RSRP1: variants seen among roughly 807,000 people sequenced by gnomAD.
RSRP1 encodes arginine and serine rich protein 1, also known as arginine/serine-rich protein 1.
A neutral mutation model predicts 33.0 loss-of-function variants in RSRP1; 37 were observed. That is an observed-to-expected ratio of 1.12 (90% CI 0.86 to 1.48). The LOEUF (loss-of-function observed/expected upper bound fraction) is 1.48, where lower values mean the gene tolerates loss of function less well. RSRP1 is among the 40% of genes most tolerant of loss of function. The pLI, the probability that RSRP1 is intolerant of heterozygous loss-of-function variation, is 0.00. For missense variants in RSRP1, 402 were observed against 385.3 expected (o/e 1.04, Z -0.36); for synonymous variants, 167 against 158.7 (o/e 1.05, Z -0.40).
At position 25,246,609 on chromosome 1, in the gene RSRP1, A is replaced by G; in HGVS notation, c.355T>C (p.Ser119Pro). Residue 119 changes from serine (S) to proline (P), a missense_variant, in exon 2 of 5, where the codon TCG becomes CCG. Ser to Pro is a moderately conservative substitution (Grantham distance 74, BLOSUM62 -1). Transcript: ENST00000243189. ...SRYRSRSRSR[S>P]RSRGRSYCGR... ...CAGTACGACCTTCCCCGAGAGCGCG[A>G]CCTGCTACGGGACCGGGACCGGTAC... The G allele has an allele frequency of 6.2e-7, 1 of 1,614,050 alleles. No individual in the cohort carries two copies. The highest frequency in any genetic ancestry group is 8.5e-7 in the Non-Finnish European group (1 of 1,180,034).
intron 3 of RSRP1, chr1:25,244,857 T>A (rs1466478669): frequency 2.8e-6 from 3 of 1,079,138 alleles, no homozygotes; most frequent in Non-Finnish European, 3.6e-6. Context: ...CTAATTTTTG[T>A]ATTTTTTGTA....
Position 25,278,925 on chromosome 1 carries a change from T to C in RSRP1, c.-66-31896A>G, listed in dbSNP as rs1641242222. Among the ~76,000 whole-genome samples, 2 of 128,870 alleles carry C rather than the reference T, an allele frequency of 1.6e-5. 1 individual carries two copies. The highest frequency in any genetic ancestry group is 3.7e-5 in the Non-Finnish European group (2 of 54,760). 84.5% of individuals were successfully genotyped at this position (128,870 alleles called of 152,430 possible). ...GGCCTCCTGAGGCTGCAGTGGTCTTTCCAGGCAGCAGTGGGAGCACAGGGT... is the reference window on the plus strand; with the variant it reads ...GGCCTCCTGAGGCTGCAGTGGTCTTCCCAGGCAGCAGTGGGAGCACAGGGT... On this transcript the variant is annotated intron_variant, in intron 1 of 1. Coordinates refer to the RSRP1 transcript ENST00000561867.
At position 25,320,065 on chromosome 1, in the gene RSRP1, A is replaced by G. The variant is rs944573435; in HGVS notation, c.-67+17913T>C. 8.4e-5 allele frequency among the ~76,000 whole-genome samples: 11 copies of G among 130,596 alleles called. 3 individuals carry two copies. The highest frequency in any genetic ancestry group is 1.5e-4 in the Non-Finnish European group (8 of 55,142). The allele number at this position is 130,596 out of a possible 152,430, so 85.7% of individuals were successfully genotyped here. A position where few individuals can be genotyped will look rare whatever the true frequency, so the allele number is the denominator to read the frequency against. On this transcript the variant is annotated intron_variant, in intron 1 of 1. Transcript: ENST00000561867. Reference sequence around the variant, plus strand: ...AGGCATGCACCACCACACCCGGCTAATTTTGTATTTTTAGTAGAGACAGGG... The same window carrying G: ...AGGCATGCACCACCACACCCGGCTAGTTTTGTATTTTTAGTAGAGACAGGG...
chr1:25,284,506 A>C (rs1312834510), intron 1 of RSRP1: 1 of 1,307,442 alleles, frequency 7.6e-7, no homozygotes, highest in East Asian at 2.2e-5. Context: ...GTAAGACTCT[A>C]ATTTCATACC....
intron 1 of RSRP1, among the ~76,000 whole-genome samples, chr1:25,263,283 G>C (rs528733602): frequency 1.2e-4 from 19 of 152,094 alleles, no homozygotes; most frequent in African/African-American, 4.3e-4. Context: ...TGAAGATCTC[G>C]TAGGACTTTA....
intron 3 of RSRP1, chr1:25,244,716 G>A (rs1043036186): frequency 5.1e-6 from 6 of 1,177,596 alleles, no homozygotes; most frequent in South Asian, 4.8e-5. Flanking sequence ...ACAGGGTCTC[G>A]CTCTGCTGCC....
At position 25,284,960 on chromosome 1, in the gene RSRP1, T is replaced by C. The variant is rs1641838220; in HGVS notation, c.-66-37931A>G. On this transcript the variant is annotated intron_variant, in intron 1 of 1. Transcript: ENST00000561867. ...CATCCTGTATTTTACTGGACAGCCCTACTCCGTGTATCACAAGGAATCCAG... is the reference window on the plus strand; with the variant it reads ...CATCCTGTATTTTACTGGACAGCCCCACTCCGTGTATCACAAGGAATCCAG... Among the ~76,000 whole-genome samples, 2 of 135,096 alleles carry C rather than the reference T, an allele frequency of 1.5e-5. 1 individual carries two copies. Among genetic ancestry groups the C allele is most frequent in the African/African-American group, 5.1e-5 (2 of 39,072 alleles). The allele number at this position is 135,096 out of a possible 152,430, so 88.6% of individuals were successfully genotyped here. A position where few individuals can be genotyped will look rare whatever the true frequency, so the allele number is the denominator to read the frequency against.
In RSRP1 at chr1:25,247,333, C is replaced by G. The variant is rs1639544272; in HGVS notation, c.-91G>C. The G allele has an allele frequency of 4.2e-6, 1 of 238,172 alleles. No individual in the cohort carries two copies. Among genetic ancestry groups the G allele is most frequent in the Non-Finnish European group, 8.1e-6 (1 of 123,394 alleles). 14.8% of individuals were successfully genotyped at this position (238,172 alleles called of 1,614,324 possible). On this transcript the variant is annotated 5_prime_UTR_variant, in exon 1 of 5. Coordinates refer to ENST00000243189, the MANE Select transcript of RSRP1 (RefSeq NM_020317.5). ...CCGCACGCCGTCGACGCCTCCCTCA[C>G]GACTGAGAGAAAGGCTCAACAGACG... is the stretch of plus-strand genomic sequence containing the variant.
chr1:25,329,789 A>G (rs28654325), intron 1 of RSRP1: 118,894 of 127,966 alleles, frequency 0.93, 56,797 homozygotes, highest in East Asian at 1. Flanking sequence ...GAGTAGCTGG[A>G]ATTACAAGTG....
In RSRP1 at chr1:25,299,245, G is replaced by A. The variant is rs188158035; in HGVS notation, c.-67+38733C>T. 9.2e-4 allele frequency among the ~76,000 whole-genome samples: 119 copies of A among 129,046 alleles called. 23 individuals carry two copies. The highest frequency in any genetic ancestry group is 8.2e-3 in the Middle Eastern group (2 of 244). The allele number at this position is 129,046 out of a possible 152,430, so 84.7% of individuals were successfully genotyped here. A position where few individuals can be genotyped will look rare whatever the true frequency, so the allele number is the denominator to read the frequency against. The stretch of plus-strand genomic sequence containing the variant: ...AAAAATACAAAAATTAGCCGGGCAC[G>A]GTGGTGGGTGCCTGTAATCCCAGCT... On this transcript the variant is annotated intron_variant, in intron 1 of 1. Coordinates refer to the RSRP1 transcript ENST00000561867.
At position 25,332,641 on chromosome 1, in the gene RSRP1, T is replaced by C. The variant is rs1383100630; in HGVS notation, c.-67+5337A>G. Among the ~76,000 whole-genome samples the C allele has an allele frequency of 3.0e-5, 4 of 132,482 alleles. 1 individual carries two copies. Among genetic ancestry groups the C allele is most frequent in the Non-Finnish European group, 3.6e-5 (2 of 55,982 alleles). The allele number at this position is 132,482 out of a possible 152,430, so 86.9% of individuals were successfully genotyped here. ...AACCAATATTTATTGAGTGCCAACT[T>C]TGAGCCTAAGATACAGCAGTAAACA... On this transcript the variant is annotated intron_variant, in intron 1 of 1. Transcript: ENST00000561867.
At chr1:25,301,010 C>A in intron 1 of RSRP1, 1 of 1,376,260 alleles carries the variant, frequency 7.3e-7, no homozygotes, top group South Asian at 1.2e-5. Flanking sequence ...CTGTCTGTGG[C>A]CTGGTGCCTG....
At position 25,246,440 on chromosome 1, in the gene RSRP1, C is replaced by T. The variant is rs371285811; in HGVS notation, c.520+4G>A. On this transcript the variant is annotated splice_donor_region_variant and intron_variant, in intron 2 of 4. Transcript: ENST00000243189. ...ACAAATGGAAAGGTAAATGACCCAC[C>T]CACCTTTTTCACTTAAGCGAAAGGG... The T allele has an allele frequency of 6.2e-7, 1 of 1,611,838 alleles. No homozygotes were observed.
At chr1:25,302,264 G>C (rs1401578951) in intron 1 of RSRP1, among the ~76,000 whole-genome samples, 1 of 127,530 alleles carries the variant, frequency 7.8e-6, no homozygotes, top group Non-Finnish European at 1.8e-5. Context: ...GTGTGTGTGA[G>C]TCTTGTGGGC....
At chr1:25,302,395 G>C (rs528762910) in intron 1 of RSRP1, among the ~76,000 whole-genome samples, 2 of 123,656 alleles carry the variant, frequency 1.6e-5, no homozygotes, top group East Asian at 2.0e-4. Flanking sequence ...GGAGGCACTG[G>C]GGGGGCTGGA....
At chr1:25,332,833 A>G (rs1645035407) in intron 1 of RSRP1, among the ~76,000 whole-genome samples, 1 of 132,652 alleles carries the variant, frequency 7.5e-6, no homozygotes, top group Non-Finnish European at 1.8e-5. Flanking sequence ...ACATAGATAT[A>G]TAAGAGAGGG....
At chr1:25,331,809 G>C (rs1335916246) in intron 1 of RSRP1, among the ~76,000 whole-genome samples, 1 of 116,288 alleles carries the variant, frequency 8.6e-6, no homozygotes, top group South Asian at 2.6e-4. Context: ...GCGCGATCTC[G>C]GCTCACTGCA....
At chr1:25,248,631 A>C (rs1639663359), upstream of RSRP1, among the ~76,000 whole-genome samples, 2 of 152,092 alleles carry the variant, frequency 1.3e-5, no homozygotes, top group Non-Finnish European at 2.9e-5. Flanking sequence ...TTACAAGTAC[A>C]TTTTGACAAA....
intron 1 of RSRP1, 59 bp downstream of exon 1, chr1:25,247,250 C>T (rs1571520862): frequency 7.3e-6 from 3 of 409,586 alleles, no homozygotes; most frequent in Non-Finnish European, 1.3e-5. Context: ...GTTTCCCGTC[C>T]CTCACTCCTG....
Sources: allele counts gnomAD v4.1 joint callset (sites outside exome capture counted in the v4.1 genomes callset), GRCh38; gene constraint gnomAD v4.1.1; transcripts MANE v1.5; gene names NCBI Gene and HGNC (gene_info 2026-07-23, HGNC 2026-07-21).